RBM47: variants seen among roughly 807,000 people sequenced by gnomAD.
The protein encoded by RBM47 is RNA binding motif protein 47.
RBM47 carries 21 observed loss-of-function variants against 47.1 expected under a neutral mutation model. That is an observed-to-expected ratio of 0.45 (90% confidence interval 0.32 to 0.64). The LOEUF (loss-of-function observed/expected upper bound fraction) is 0.64. Among genes scored for constraint, RBM47 ranks in the 30% least tolerant of loss-of-function variants. The probability of loss-of-function intolerance (pLI) is 0.05; values close to 1 mark genes in which losing one functional copy is unlikely to be tolerated. For synonymous variants in RBM47, 375 were observed against 361.7 expected, an observed-to-expected ratio of 1.04 and a Z score of -0.42; for missense variants, 708 against 870.9, an observed-to-expected ratio of 0.81 and a Z score of 2.35.
chr4:40,440,298 G>A (rs1713424851), intron 3 of RBM47, among the ~76,000 whole-genome samples: 1 of 152,162 alleles, frequency 6.6e-6, no homozygotes, highest in East Asian at 1.9e-4. Context: ...TTGAGGAGGT[G>A]GGAGGGGGAA....
intron 1 of RBM47, among the ~76,000 whole-genome samples, chr4:40,604,349 G>A (rs575646583): frequency 6.6e-6 from 1 of 152,358 alleles, no homozygotes; most frequent in South Asian, 2.1e-4. Context: ...GATGGGCTGG[G>A]TGTGGAGGCT....
At chr4:40,604,179 A>G (rs1735525603) in intron 1 of RBM47, among the ~76,000 whole-genome samples, 1 of 152,230 alleles carries the variant, frequency 6.6e-6, no homozygotes, top group African/African-American at 2.4e-5. Context: ...GACAAACTAA[A>G]CAAGTGTCTG....
chr4:40,596,112 T>C (rs116571517), intron 1 of RBM47, among the ~76,000 whole-genome samples: 1,527 of 152,290 alleles, frequency 0.01, 32 homozygotes, highest in African/African-American at 0.034. Context: ...GCTGCTAAGA[T>C]GAGAACTTTC....
chr4:40,428,321 T>C (rs1300395568), intron 6 of RBM47, among the ~76,000 whole-genome samples: 3 of 152,224 alleles, frequency 2.0e-5, no homozygotes, highest in African/African-American at 7.2e-5. Flanking sequence ...GGTACTATGA[T>C]TATATGGAGT....
intron 1 of RBM47, among the ~76,000 whole-genome samples, chr4:40,596,712 G>A (rs572870183): frequency 2.2e-4 from 33 of 151,984 alleles, no homozygotes; most frequent in Non-Finnish European, 3.8e-4. Flanking sequence ...AAAGCCCCAC[G>A]CCTTGTGTAT....
intron 1 of RBM47, among the ~76,000 whole-genome samples, chr4:40,571,687 C>G (rs537430693): frequency 6.6e-6 from 1 of 152,008 alleles, no homozygotes; most frequent in Admixed American, 6.5e-5. Context: ...GGGCACTGCT[C>G]GGGTGATGGG....
At chr4:40,492,379 A>G (rs1156719966) in intron 2 of RBM47, among the ~76,000 whole-genome samples, 1 of 152,124 alleles carries the variant, frequency 6.6e-6, no homozygotes, top group Non-Finnish European at 1.5e-5. Flanking sequence ...AAAGTAAAGA[A>G]AAGAAAAAAA....
intron 3 of RBM47, among the ~76,000 whole-genome samples, chr4:40,460,786 G>A (rs1237068512): frequency 6.6e-6 from 1 of 151,100 alleles, no homozygotes; most frequent in African/African-American, 2.4e-5. Flanking sequence ...TACTCGGGAC[G>A]CTGAGGCAGG....
chr4:40,560,474 C>A (rs1191627402), intron 1 of RBM47, among the ~76,000 whole-genome samples: 1 of 152,196 alleles, frequency 6.6e-6, no homozygotes, highest in Non-Finnish European at 1.5e-5. Flanking sequence ...ACAATACAAC[C>A]AATTCCTTGG....
intron 1 of RBM47, among the ~76,000 whole-genome samples, chr4:40,564,553 G>A (rs1169644862): frequency 1.3e-5 from 2 of 152,210 alleles, no homozygotes; most frequent in Admixed American, 6.5e-5. Flanking sequence ...ATTAGGAGAA[G>A]TATGGCTTTA....
At chr4:40,610,438 G>A (rs575348621) in intron 1 of RBM47, among the ~76,000 whole-genome samples, 2 of 151,546 alleles carry the variant, frequency 1.3e-5, no homozygotes, top group East Asian at 3.9e-4. Flanking sequence ...GTGAAACTCC[G>A]TCTCTACTAA....
At chr4:40,496,091 G>GA (rs961131419) in intron 2 of RBM47, among the ~76,000 whole-genome samples, 1 of 151,918 alleles carries the variant, frequency 6.6e-6, no homozygotes, top group Non-Finnish European at 1.5e-5. Flanking sequence ...TTTCCTCTGA[G>GA]AAAAAAGGCA....
At chr4:40,534,278 A>T (rs907400558) in intron 2 of RBM47, among the ~76,000 whole-genome samples, 2 of 151,804 alleles carry the variant, frequency 1.3e-5, no homozygotes, top group African/African-American at 4.9e-5. Context: ...GTAATTTTTT[A>T]AAATTCACAA....
chr4:40,578,395 G>T (rs1371033280), intron 1 of RBM47, among the ~76,000 whole-genome samples: 4 of 152,188 alleles, frequency 2.6e-5, no homozygotes, highest in Non-Finnish European at 5.9e-5. Context: ...ATGGAAGGAA[G>T]TGTTGCCCGA....
At chr4:40,613,104 T>A (rs1736392772) in intron 1 of RBM47, among the ~76,000 whole-genome samples, 1 of 152,232 alleles carries the variant, frequency 6.6e-6, no homozygotes, top group Non-Finnish European at 1.5e-5. Context: ...AGTCCAGCTA[T>A]ACACCAGCAT....
At chr4:40,428,400 A>G (rs1449641222) in intron 6 of RBM47, among the ~76,000 whole-genome samples, 1 of 152,184 alleles carries the variant, frequency 6.6e-6, no homozygotes, top group Non-Finnish European at 1.5e-5. Flanking sequence ...GTGACTCTGG[A>G]GCCTGCACTT....
intron 2 of RBM47, among the ~76,000 whole-genome samples, chr4:40,468,161 C>A (rs1463246681): frequency 6.6e-6 from 1 of 152,130 alleles, no homozygotes; most frequent in South Asian, 2.1e-4. Context: ...GTGGTAGGCG[C>A]CTGTAATCCC....
At chr4:40,590,773 A>C (rs945472791) in intron 1 of RBM47, among the ~76,000 whole-genome samples, 6 of 152,212 alleles carry the variant, frequency 3.9e-5, no homozygotes, top group African/African-American at 1.4e-4. Context: ...TGTTAAGTGA[A>C]AGAAGCCAGA....
In RBM47 at chr4:40,445,931, C is replaced by T. The variant is rs548777192; in HGVS notation, c.-31-7007G>A. On this transcript the variant is annotated intron_variant, in intron 3 of 6. Coordinates refer to ENST00000295971, the MANE Select transcript of RBM47 (RefSeq NM_001098634.2). The stretch of plus-strand genomic sequence containing the variant: ...TATCTAGATAAATAACACAGAGTTC[C>T]CCAGTTTCATCCATTCACCATGTGA... 2.6e-5 allele frequency among the ~76,000 whole-genome samples: 4 copies of T among 152,248 alleles called. No homozygotes were observed. The South Asian group carries it at 6.2e-4, about 24-fold the overall frequency.
Sources: allele counts gnomAD v4.1 joint callset (sites outside exome capture counted in the v4.1 genomes callset), GRCh38; gene constraint gnomAD v4.1.1; transcripts MANE v1.5; gene names NCBI Gene and HGNC (gene_info 2026-07-23, HGNC 2026-07-21).